PSD2: variants seen among roughly 807,000 people sequenced by gnomAD.
PSD2 encodes PH and SEC7 domain-containing protein 2.
PSD2 carries 38 observed loss-of-function variants against 69.8 expected under a neutral mutation model. The ratio of observed to expected loss-of-function variants is 0.54; its 90% CI spans 0.42 to 0.71. The LOEUF (loss-of-function observed/expected upper bound fraction) is 0.71. Among genes scored for constraint, PSD2 ranks in the 30% least tolerant of loss-of-function variants. The pLI is 0.00. For missense variants in PSD2, 943 were observed against 1,014.5 expected (o/e 0.93, Z 0.96); for synonymous variants, 412 against 423.0 (o/e 0.97, Z 0.32).
chr5:139,828,834 C>T (rs1760498040), intron 7 of PSD2, among the ~76,000 whole-genome samples: 1 of 152,174 alleles, frequency 6.6e-6, no homozygotes, highest in South Asian at 2.1e-4. Context: ...CCCGTCTAGC[C>T]TCTACTCTGG....
At chr5:139,798,627 G>C (rs1759591567) in intron 1 of PSD2, among the ~76,000 whole-genome samples, 2 of 152,146 alleles carry the variant, frequency 1.3e-5, no homozygotes, top group Non-Finnish European at 2.9e-5. Flanking sequence ...TTTGCCAGTT[G>C]TTAACATTTT....
upstream of PSD2, among the ~76,000 whole-genome samples, chr5:139,795,191 C>T (rs577872977): frequency 2.3e-4 from 35 of 152,246 alleles, no homozygotes; most frequent in South Asian, 7.0e-3. The surrounding 1 kb of genome is among the most constrained non-coding windows in gnomAD (Gnocchi z 4.5). Context: ...CCCACTCTGT[C>T]CCGAGGCTCC....
rs1561611892 is a variant in PSD2, at chr5:139,843,178, TA to T, written c.*705del. Reference sequence around the variant, plus strand: ...AGATGGTTTTGGAACTGGAATCAGTTAGAGGATGAAATCAGATAAAGGAAAA... The same window carrying T: ...AGATGGTTTTGGAACTGGAATCAGTTGAGGATGAAATCAGATAAAGGAAAA... On this transcript the variant is annotated 3_prime_UTR_variant, in exon 15 of 15. Transcript: ENST00000274710. 1 of 152,320 alleles carries T rather than the reference TA, an allele frequency of 6.6e-6. No homozygotes were observed. The highest frequency in any genetic ancestry group is 1.5e-5 in the Non-Finnish European group (1 of 68,042). The allele number at this position is 152,320 out of a possible 1,614,324, so 9.4% of individuals were successfully genotyped here. A position where few individuals can be genotyped will look rare whatever the true frequency, so the allele number is the denominator to read the frequency against.
At position 139,842,531 on chromosome 5, in the gene PSD2, C is replaced by A; in HGVS notation, c.*57C>A. On this transcript the variant is annotated 3_prime_UTR_variant, in exon 15 of 15. Coordinates refer to ENST00000274710, the MANE Select transcript of PSD2 (RefSeq NM_032289.4). The stretch of plus-strand genomic sequence containing the variant: ...AGATGTCTCCAGTGGGGTCAGTGAG[C>A]ACAATTCCAGCCAGGGGCCACTTGG... 1 of 1,523,768 alleles carries A rather than the reference C, an allele frequency of 6.6e-7. No homozygotes were observed. Among genetic ancestry groups the A allele is most frequent in the Non-Finnish European group, 9.0e-7 (1 of 1,105,866 alleles). 94.4% of individuals were successfully genotyped at this position (1,523,768 alleles called of 1,614,324 possible). A position where few individuals can be genotyped will look rare whatever the true frequency, so the allele number is the denominator to read the frequency against.
chr5:139,758,084 A>G, the PSD2 span, among the ~76,000 whole-genome samples: 2 of 152,218 alleles, frequency 1.3e-5, no homozygotes, highest in Non-Finnish European at 2.9e-5. Flanking sequence ...ATGGTTTCTT[A>G]GTACCAACTT....
chr5:139,779,042 C>T, the PSD2 span, among the ~76,000 whole-genome samples: 13 of 150,474 alleles, frequency 8.6e-5, no homozygotes, highest in South Asian at 2.1e-4. Context: ...CCAAAAGGTG[C>T]GCTGCATTTG....
intron 9 of PSD2, among the ~76,000 whole-genome samples, chr5:139,836,275 G>T (rs1000063271): frequency 6.6e-6 from 1 of 152,206 alleles, no homozygotes; most frequent in Non-Finnish European, 1.5e-5. Flanking sequence ...ACCGTGAAAG[G>T]CTCTGCTGTG....
the PSD2 span, among the ~76,000 whole-genome samples, chr5:139,754,088 G>T: frequency 6.6e-6 from 1 of 152,058 alleles, no homozygotes; most frequent in Non-Finnish European, 1.5e-5. Context: ...CACCCGTCTT[G>T]GCCTCCCAAA....
chr5:139,835,292 A>G (rs1171678040), intron 8 of PSD2, among the ~76,000 whole-genome samples: 1 of 151,022 alleles, frequency 6.6e-6, no homozygotes, highest in Non-Finnish European at 1.5e-5. Context: ...TCATTCACCC[A>G]TCCACCTGCT....
At chr5:139,787,869 C>G in the PSD2 span, among the ~76,000 whole-genome samples, 44,508 of 152,134 alleles carry the variant, frequency 0.29, 6,902 homozygotes, top group African/African-American at 0.39. Context: ...AACGGCACGG[C>G]CTTCGGAGAC....
the PSD2 span, among the ~76,000 whole-genome samples, chr5:139,787,804 G>A: frequency 6.6e-6 from 1 of 152,272 alleles, no homozygotes; most frequent in Non-Finnish European, 1.5e-5. Context: ...CAAGGAAGAG[G>A]GGGTCTGGGT....
At chr5:139,746,674 C>G in the PSD2 span, among the ~76,000 whole-genome samples, 2 of 152,226 alleles carry the variant, frequency 1.3e-5, no homozygotes, top group East Asian at 3.8e-4. The surrounding 1 kb of genome is among the most constrained non-coding windows in gnomAD (Gnocchi z 4.5). Flanking sequence ...GCCCGCTGGA[C>G]TGATGCGCGA....
At chr5:139,813,008 A>G (rs909594874) in intron 2 of PSD2, among the ~76,000 whole-genome samples, 5 of 152,158 alleles carry the variant, frequency 3.3e-5, no homozygotes, top group Admixed American at 2.6e-4. Context: ...CATAGCTGGC[A>G]GCGGGGCAGG....
rs531980450 is a variant in PSD2 at position 139,842,517 on chromosome 5, G to A, written c.*43G>A. On this transcript the variant is annotated 3_prime_UTR_variant, in exon 15 of 15. Coordinates refer to ENST00000274710, the MANE Select transcript of PSD2 (RefSeq NM_032289.4). ...ACCCCAGGGTGGGCAGATGTCTCCA[G>A]TGGGGTCAGTGAGCACAATTCCAGC... The A allele has an allele frequency of 5.1e-6, 8 of 1,566,376 alleles. No individual in the cohort carries two copies. Among genetic ancestry groups the A allele is most frequent in the Middle Eastern group, 2.2e-4 (1 of 4,484 alleles).
At chr5:139,785,217 C>A in the PSD2 span, among the ~76,000 whole-genome samples, 1 of 148,882 alleles carries the variant, frequency 6.7e-6, no homozygotes, top group Non-Finnish European at 1.5e-5. Context: ...CTTCTCCCTT[C>A]TTCCCTCCCT....
At chr5:139,795,552 C>A (rs1014079255), upstream of PSD2, among the ~76,000 whole-genome samples, 1 of 152,076 alleles carries the variant, frequency 6.6e-6, no homozygotes, top group Admixed American at 6.5e-5. The surrounding 1 kb of genome is among the most constrained non-coding windows in gnomAD (Gnocchi z 4.5). Flanking sequence ...GGGGGCAGAA[C>A]CCCGGGCGCT....
intron 1 of PSD2, among the ~76,000 whole-genome samples, chr5:139,805,489 A>G (rs969710217): frequency 1.8e-4 from 28 of 152,222 alleles, no homozygotes; most frequent in African/African-American, 6.8e-4. Context: ...AACATGACAT[A>G]GTCCCCACCC....
chr5:139,783,158 G>C, the PSD2 span, among the ~76,000 whole-genome samples: 9 of 152,224 alleles, frequency 5.9e-5, no homozygotes, highest in African/African-American at 2.2e-4. Context: ...GATTAATCTG[G>C]CTGGGCACGG....
At chr5:139,746,084 C>G in the PSD2 span, 1 of 152,198 alleles carries the variant, frequency 6.6e-6, no homozygotes, top group African/African-American at 2.4e-5. The surrounding 1 kb of genome is among the most constrained non-coding windows in gnomAD (Gnocchi z 4.5). Flanking sequence ...AGGCCAAGCT[C>G]CACCTCTCTG....
Sources: gnomAD v4.1 joint callset for allele counts (sites outside exome capture counted in the v4.1 genomes callset) on GRCh38, gnomAD v4.1.1 for gene constraint, Gnocchi (gnomAD v3.1) non-coding constraint, MANE v1.5 for transcripts, NCBI Gene and HGNC (gene_info 2026-07-23, HGNC 2026-07-21) for gene names.